SLIT2: variants seen among roughly 807,000 people sequenced by gnomAD.
SLIT2 encodes slit guidance ligand 2.
In SLIT2, 41 loss-of-function variants were observed where a neutral mutation model predicts 185.7. The ratio of observed to expected loss-of-function variants is 0.22; its 90% confidence interval spans 0.17 to 0.29. The LOEUF is 0.29. Ranked by LOEUF, SLIT2 falls within the 10% of genes least tolerant of loss-of-function variation. SLIT2 has a pLI of 1.00. For missense variants in SLIT2, 1,571 were observed against 1,909.0 expected, an observed-to-expected ratio of 0.82 and a Z score of 3.30; for synonymous variants, 693 against 680.2, an observed-to-expected ratio of 1.02 and a Z score of -0.29.
At position 20,616,984 on chromosome 4, in the gene SLIT2, A is replaced by C. The variant is rs780501393; in HGVS notation, c.3922A>C (p.Ile1308Leu). ...GAACGGAACCAGCTTCCACGGCTGCATCCGGAACCTTTACATCAACAGTGA... is the reference window on the plus strand; with the variant it reads ...GAACGGAACCAGCTTCCACGGCTGCCTCCGGAACCTTTACATCAACAGTGA... ...GQNGTSFHGCIRNLYINSELQ... is the reference protein window; with the variant it reads ...GQNGTSFHGCLRNLYINSELQ... The change falls in exon 35 of 37, where the codon ATC (isoleucine) becomes CTC (leucine). Residue 1308 changes from isoleucine (I) to leucine (L), a missense_variant. Coordinates refer to ENST00000504154, the MANE Select transcript of SLIT2 (RefSeq NM_004787.4). The C allele has an allele frequency of 6.2e-7, 1 of 1,614,110 alleles. No homozygotes were observed. Among genetic ancestry groups the C allele is most frequent in the Non-Finnish European group, 8.5e-7 (1 of 1,179,980 alleles).
intron 9 of SLIT2, among the ~76,000 whole-genome samples, chr4:20,493,371 G>A (rs56861685): frequency 0.024 from 3,627 of 152,166 alleles, 60 homozygotes; most frequent in Non-Finnish European, 0.033. Context: ...TTCTCATAAG[G>A]GAACTATATA....
Position 20,348,942 on chromosome 4 carries a change from G to T in SLIT2, c.395+80061G>T, listed in dbSNP as rs531415784. On this transcript the variant is annotated intron_variant, in intron 4 of 36. Transcript: ENST00000504154. Reference sequence around the variant, plus strand: ...CTTCTGAATCTAAACAAATCACTGTGGTGAGAAGACTATGATGTTCTAATT... The same window carrying T: ...CTTCTGAATCTAAACAAATCACTGTTGTGAGAAGACTATGATGTTCTAATT... Among the ~76,000 whole-genome samples, 3 of 152,258 alleles carry T rather than the reference G, an allele frequency of 2.0e-5. No individual in the cohort carries two copies. The East Asian group carries it at 5.8e-4, about 29-fold the overall frequency.
At chr4:20,494,623 A>G (rs1718063842) in intron 9 of SLIT2, among the ~76,000 whole-genome samples, 1 of 151,954 alleles carries the variant, frequency 6.6e-6, no homozygotes, top group Non-Finnish European at 1.5e-5. Flanking sequence ...AAAAAATACA[A>G]CAAAAATTAG....
intron 4 of SLIT2, among the ~76,000 whole-genome samples, chr4:20,358,263 G>A (rs1179806229): frequency 1.3e-5 from 2 of 152,092 alleles, no homozygotes; most frequent in African/African-American, 4.8e-5. Context: ...ACATCATAGA[G>A]TGATCGGACT....
chr4:20,582,389 G>A (rs1008878416), intron 29 of SLIT2, among the ~76,000 whole-genome samples: 9 of 152,140 alleles, frequency 5.9e-5, no homozygotes, highest in Non-Finnish European at 1.3e-4. Flanking sequence ...CAGCACAGAG[G>A]CAATTTTATG....
chr4:20,296,941 A>C (rs529251710), intron 4 of SLIT2, among the ~76,000 whole-genome samples: 1 of 152,330 alleles, frequency 6.6e-6, no homozygotes, highest in African/African-American at 2.4e-5. Flanking sequence ...GCAAAGGCTG[A>C]CAGGTCAGCA....
intron 4 of SLIT2, among the ~76,000 whole-genome samples, chr4:20,320,930 G>A (rs1460862904): frequency 6.6e-6 from 1 of 152,156 alleles, no homozygotes; most frequent in African/African-American, 2.4e-5. Context: ...TTGGGAGGTT[G>A]AGGCAAGCAG....
In SLIT2 at chr4:20,301,495, T is replaced by G. The variant is rs546195604; in HGVS notation, c.395+32614T>G. 4.6e-5 allele frequency among the ~76,000 whole-genome samples: 7 copies of G among 152,282 alleles called. No homozygotes were observed. In the South Asian group the frequency reaches 1.4e-3, roughly 32 times the overall value. On this transcript the variant is annotated intron_variant, in intron 4 of 36. Coordinates refer to ENST00000504154, the MANE Select transcript of SLIT2 (RefSeq NM_004787.4). The stretch of plus-strand genomic sequence containing the variant: ...ATGGCCAGGCATTAACGGGGCATAC[T>G]AACTCTATTGTACCTGCCACTTATG...
chr4:20,534,545 T>A (rs1255141892), intron 18 of SLIT2, among the ~76,000 whole-genome samples: 1 of 152,172 alleles, frequency 6.6e-6, no homozygotes, highest in African/African-American at 2.4e-5. Context: ...TATAATTATG[T>A]TTGACAAAAG....
intron 26 of SLIT2, 105 bp from the exon 27 acceptor site, chr4:20,567,157 C>A: frequency 2.0e-6 from 2 of 1,007,166 alleles, no homozygotes; most frequent in Non-Finnish European, 3.0e-6. Context: ...AGATATGTGA[C>A]CAATAATAAT....
chr4:20,390,489 G>A (rs747497951), intron 4 of SLIT2, among the ~76,000 whole-genome samples: 95 of 152,088 alleles, frequency 6.2e-4, no homozygotes, highest in Non-Finnish European at 1.2e-3. Flanking sequence ...AGGGGTTCTG[G>A]GGCATGGAGT....
intron 28 of SLIT2, 70 bp from the exon 29 acceptor site, chr4:20,568,795 A>T: frequency 7.1e-7 from 1 of 1,409,578 alleles, no homozygotes; most frequent in Admixed American, 2.0e-5. Flanking sequence ...TGCTTTTTTC[A>T]ATATTTAGAC....
chr4:20,615,711 T>C (rs1729597398), intron 34 of SLIT2: 2 of 152,228 alleles, frequency 1.3e-5, no homozygotes, highest in Admixed American at 1.3e-4. Context: ...TTCCTATGAA[T>C]GGGAAAGGAG....
rs759775404 is a variant in SLIT2 at position 20,596,622 on chromosome 4, C to T, written c.3528C>T (p.Ala1176=). ...NKESYLQIPS[A]KVRPQTNITL... is the part of the protein sequence containing the mutation. ...AGTCTTATCTTCAGATTCCTTCAGC[C>T]AAGGTTCGGCCTCAGACGAACATAA... Residue 1176 remains alanine (A), a synonymous_variant, in exon 32 of 37, where the codon GCC becomes GCT. Transcript: ENST00000504154. The T allele has an allele frequency of 1.2e-6, 2 of 1,613,574 alleles. No homozygotes were observed. Among genetic ancestry groups the T allele is most frequent in the South Asian group, 1.1e-5 (1 of 91,066 alleles).
chr4:20,413,211 T>C (rs1238241435), intron 4 of SLIT2, among the ~76,000 whole-genome samples: 1 of 152,106 alleles, frequency 6.6e-6, no homozygotes, highest in Non-Finnish European at 1.5e-5. Context: ...TAATTTTCTT[T>C]TGTTCTCTTC....
intron 8 of SLIT2, chr4:20,490,678 G>A (rs149580894): frequency 1.1e-4 from 74 of 667,612 alleles, no homozygotes; most frequent in African/African-American, 8.6e-4. Flanking sequence ...AAAAATTTTT[G>A]TATAATATCA....
chr4:20,268,948 A>G (rs908074729), intron 4 of SLIT2, 67 bp downstream of exon 4: 2 of 981,642 alleles, frequency 2.0e-6, no homozygotes, highest in Non-Finnish European at 3.3e-6. Context: ...TGTATTTTGG[A>G]TCTGTTTGTG....
At chr4:20,510,782 A>G (rs1355898807) in intron 10 of SLIT2, among the ~76,000 whole-genome samples, 1 of 152,206 alleles carries the variant, frequency 6.6e-6, no homozygotes, top group Admixed American at 6.5e-5. Context: ...GATTCATACA[A>G]ATGTGAATGT....
At chr4:20,373,587 T>A (rs2109323341) in intron 4 of SLIT2, among the ~76,000 whole-genome samples, 1 of 152,190 alleles carries the variant, frequency 6.6e-6, no homozygotes, top group South Asian at 2.1e-4. Context: ...TGTGTTGGTG[T>A]TTAATAAAGT....
Sources: gnomAD v4.1 joint callset for allele counts (sites outside exome capture counted in the v4.1 genomes callset) on GRCh38, gnomAD v4.1.1 for gene constraint, MANE v1.5 for transcripts, NCBI Gene and HGNC (gene_info 2026-07-23, HGNC 2026-07-21) for gene names.